Variants in NECAB2 observed in about 807,000 individuals in gnomAD.
The protein encoded by NECAB2 is N-terminal EF-hand calcium binding protein 2.
In NECAB2, 68 loss-of-function variants were observed where a neutral mutation model predicts 51.9. The observed-to-expected ratio is 1.31, with a 90% CI of 1.08 to 1.60. The LOEUF (loss-of-function observed/expected upper bound fraction) is 1.60. NECAB2 is among the 40% of genes most tolerant of loss of function. The probability of loss-of-function intolerance (pLI) is 0.00; values close to 1 mark genes in which losing one functional copy is unlikely to be tolerated. For synonymous variants in NECAB2, 329 were observed against 203.5 expected (o/e 1.62, Z -5.25); for missense variants, 854 against 490.3 (o/e 1.74, Z -7.00).
At chr16:83,978,648 G>A (rs945990259) in intron 3 of NECAB2, 96 bp downstream of exon 3, 14 of 1,082,296 alleles carry the variant, frequency 1.3e-5, no homozygotes, top group African/African-American at 8.1e-5. Flanking sequence ...CCTGTAAGGG[G>A]CAGGAGAACT....
chr16:83,987,538 CT>C (rs2084571400), intron 5 of NECAB2, among the ~76,000 whole-genome samples: 1 of 152,036 alleles, frequency 6.6e-6, no homozygotes, highest in Admixed American at 6.6e-5. Flanking sequence ...ACATTTTAGC[CT>C]TTTTTTATGT....
intron 5 of NECAB2, among the ~76,000 whole-genome samples, chr16:83,985,546 T>C (rs61507027): frequency 0.24 from 35,957 of 149,782 alleles, 9,459 homozygotes; most frequent in African/African-American, 0.67. Flanking sequence ...GGCAGGAGAA[T>C]GACTTGAACC....
intron 2 of NECAB2, 50 bp downstream of exon 2, chr16:83,972,225 G>A: frequency 1.9e-6 from 3 of 1,612,206 alleles, no homozygotes; most frequent in South Asian, 1.1e-5. Context: ...CTGTCCTCGT[G>A]CTTCATGGGG....
In NECAB2 at chr16:83,972,132, C is replaced by T. The variant is rs1252912327; in HGVS notation, c.202-19C>T. 1.2e-6 allele frequency: 2 copies of T among 1,613,050 alleles called. No individual in the cohort carries two copies. The highest frequency in any genetic ancestry group is 2.2e-5 in the South Asian group (2 of 91,092). On this transcript the variant is annotated intron_variant, in intron 1 of 12. Transcript: ENST00000305202. ...GCCTCTCCCTGGCCCAGGGCTGACT[C>T]CGCCTCTCTTTTCTGCAGATTTTCC... is the stretch of plus-strand genomic sequence containing the variant.
At chr16:83,998,161 G>A in intron 9 of NECAB2, 44 bp from the exon 10 acceptor site, 1 of 1,575,882 alleles carries the variant, frequency 6.3e-7, no homozygotes, top group Non-Finnish European at 8.6e-7. Context: ...TTAGGGAGAA[G>A]GCCTGACGTG....
At chr16:84,000,692 A>C (rs143120765) in intron 10 of NECAB2, 32 bp from the exon 11 acceptor site, 4 of 1,608,916 alleles carry the variant, frequency 2.5e-6, no homozygotes, top group African/African-American at 2.7e-5. Flanking sequence ...GTTGAGCTCC[A>C]GCCTCCTCCC....
At chr16:83,974,190 G>A (rs944661777) in intron 2 of NECAB2, among the ~76,000 whole-genome samples, 3 of 152,134 alleles carry the variant, frequency 2.0e-5, no homozygotes, top group African/African-American at 7.2e-5. Flanking sequence ...TGTGAGATGC[G>A]GGTTCCAGCA....
chr16:83,981,078 T>G lies in NECAB2; in HGVS notation c.410T>G (p.Leu137Arg). The G allele has an allele frequency of 6.2e-7, 1 of 1,614,194 alleles. No homozygotes were observed. Among genetic ancestry groups the G allele is most frequent in the Non-Finnish European group, 8.5e-7 (1 of 1,180,022 alleles). Residue 137 changes from leucine to arginine, a missense_variant, in exon 5 of 13, where the codon CTG becomes CGG. Coordinates refer to ENST00000305202, the MANE Select transcript of NECAB2 (RefSeq NM_019065.3). ...GACTATGAGGATGTCCTGGCCTCCC[T>G]GGAGACCTTGAATCACTCTGTCCTG... Reference protein sequence around the residue: ...MGDYEDVLASLETLNHSVLKA... With the variant: ...MGDYEDVLASRETLNHSVLKA...
upstream of NECAB2, among the ~76,000 whole-genome samples, chr16:83,968,224 C>T (rs2084310175): frequency 6.6e-6 from 1 of 151,354 alleles, no homozygotes; most frequent in Admixed American, 6.6e-5. Flanking sequence ...TCCGGGCTCG[C>T]TGGACACCCG....
chr16:83,965,583 A>G, upstream of NECAB2: 2 of 1,612,988 alleles, frequency 1.2e-6, no homozygotes, highest in Non-Finnish European at 1.7e-6. Flanking sequence ...TACCCCGAGT[A>G]CCACAAGGTG....
At chr16:83,981,411 G>T (rs2084487643) in intron 5 of NECAB2, among the ~76,000 whole-genome samples, 1 of 129,818 alleles carries the variant, frequency 7.7e-6, no homozygotes, top group Non-Finnish European at 1.5e-5. Flanking sequence ...TGCCCTTAAG[G>T]GGTCCCCAGA....
Position 83,997,236 on chromosome 16 carries a change from G to A in NECAB2, c.816G>A (p.Gln272=). 1 of 1,614,158 alleles carries A rather than the reference G, an allele frequency of 6.2e-7. No individual in the cohort carries two copies. Among genetic ancestry groups the A allele is most frequent in the African/African-American group, 1.3e-5 (1 of 75,032 alleles). ...TTCAGGCACTGTGGTTCGACCTGCAGCAGCGCCTGTCAGATGAAGATGGCA... is the reference window on the plus strand; with the variant it reads ...TTCAGGCACTGTGGTTCGACCTGCAACAGCGCCTGTCAGATGAAGATGGCA... ...LESKALWFDL[Q]QRLSDEDGTN... Residue 272 remains glutamine (Q), a synonymous_variant, in exon 9 of 13, where the codon CAG becomes CAA. Coordinates refer to ENST00000305202, the MANE Select transcript of NECAB2 (RefSeq NM_019065.3).
chr16:83,993,551 TG>T (rs1215989201), intron 6 of NECAB2: 1 of 154,260 alleles, frequency 6.5e-6, no homozygotes, highest in Non-Finnish European at 1.5e-5. Flanking sequence ...TCCTTTTGCA[TG>T]GGAGGATTTG....
chr16:83,996,216 A>C (rs1221245036), intron 8 of NECAB2, among the ~76,000 whole-genome samples: 2 of 152,152 alleles, frequency 1.3e-5, no homozygotes, highest in African/African-American at 4.8e-5. Flanking sequence ...TGGCTTTTCC[A>C]GCCCCAGGAC....
intron 5 of NECAB2, among the ~76,000 whole-genome samples, chr16:83,982,569 C>T (rs991370782): frequency 1.3e-5 from 2 of 152,212 alleles, no homozygotes; most frequent in African/African-American, 4.8e-5. Context: ...GAAATGGAAA[C>T]CACCTCCTTG....
chr16:83,967,450 GTGGA>G (rs1204994979), upstream of NECAB2, among the ~76,000 whole-genome samples: 1 of 111,584 alleles, frequency 9.0e-6, no homozygotes, highest in South Asian at 3.4e-4. Context: ...TGGTGGGTGG[GTGGA>G]TGGATGGATG....
At chr16:83,990,381 CT>C in intron 5 of NECAB2, 112 bp from the exon 6 acceptor site, 1 of 1,419,968 alleles carries the variant, frequency 7.0e-7, no homozygotes, top group East Asian at 2.3e-5. Context: ...CCTCCCTTCC[CT>C]TTGCAAAGCA....
intron 5 of NECAB2, among the ~76,000 whole-genome samples, chr16:83,982,136 G>T (rs571285386): frequency 6.6e-6 from 1 of 152,176 alleles, no homozygotes; most frequent in Admixed American, 6.5e-5. Flanking sequence ...CTGCTGGTTT[G>T]TATCAATACG....
rs116640290 is a variant in NECAB2 at position 83,977,325 on chromosome 16, G to T, written c.227-1119G>T. On this transcript the variant is annotated intron_variant, in intron 2 of 12. Transcript: ENST00000305202. ...GGAGGGGGGAGGTGGCTGCAGGGCAGGTGGGGGATGAGCTTGCTGGCATTT... is the reference window on the plus strand; with the variant it reads ...GGAGGGGGGAGGTGGCTGCAGGGCATGTGGGGGATGAGCTTGCTGGCATTT... 9.1e-3 allele frequency among the ~76,000 whole-genome samples: 1,381 copies of T among 152,202 alleles called. 15 individuals are homozygous for T. The highest frequency in any genetic ancestry group is 0.032 in the African/African-American group (1,320 of 41,540).
Sources: allele counts gnomAD v4.1 joint callset (sites outside exome capture counted in the v4.1 genomes callset), GRCh38; gene constraint gnomAD v4.1.1; transcripts MANE v1.5; gene names NCBI Gene and HGNC (gene_info 2026-07-23, HGNC 2026-07-21).